Variants in BDNF observed in about 807,000 individuals in gnomAD.
BDNF encodes the protein neurotrophic factor BDNF precursor form.
BDNF carries 1 observed loss-of-function variant against 19.5 expected under a neutral mutation model. The ratio of observed to expected loss-of-function variants is 0.05; its 90% confidence interval spans 0.02 to 0.24. BDNF has a LOEUF of 0.24. Among genes scored for constraint, BDNF ranks in the 10% least tolerant of loss-of-function variants. BDNF has a pLI of 1.00. For missense variants in BDNF, 195 were observed against 317.6 expected, an observed-to-expected ratio of 0.61 and a Z score of 2.93; for synonymous variants, 100 against 121.6, an observed-to-expected ratio of 0.82 and a Z score of 1.17.
chr11:27,700,520 G>GGCGCCCCC, upstream of BDNF: 1 of 735,114 alleles, frequency 1.4e-6, no homozygotes, highest in Non-Finnish European at 1.6e-6. Flanking sequence ...AAACGGCGCC[G>GGCGCCCCC]CCCCCCCCCC....
rs1332534826 is a variant in BDNF at position 27,657,464 on chromosome 11, T to C, written c.*357A>G. 4 of 180,714 alleles carry C rather than the reference T, an allele frequency of 2.2e-5. No homozygotes were observed. The East Asian group carries it at 4.4e-3, about 201-fold the overall frequency. The allele number at this position is 180,714 out of a possible 1,614,324, so 11.2% of individuals were successfully genotyped here. ...CAAATTTTTGTTGTGTGTGTGTGTGTTTTTTTTCTGTTTTCTGAAAGAGGA... is the reference window on the plus strand; with the variant it reads ...CAAATTTTTGTTGTGTGTGTGTGTGCTTTTTTTCTGTTTTCTGAAAGAGGA... On this transcript the variant is annotated 3_prime_UTR_variant, in exon 2 of 2. Coordinates refer to ENST00000356660, the MANE Select transcript of BDNF (RefSeq NM_001709.5). The surrounding 1 kb of genome is among the most constrained non-coding windows in gnomAD (Gnocchi z 5.0).
In BDNF at chr11:27,658,807, C is replaced by G; in HGVS notation, c.-21-222G>C. ...AGACATGCAGTGTTTCCCCCAAGAT[C>G]TAGCATATAAACCTGAGATTAGATG... On this transcript the variant is annotated intron_variant, in intron 1 of 1. Coordinates refer to ENST00000356660, the MANE Select transcript of BDNF (RefSeq NM_001709.5). The surrounding 1 kb of genome is among the most constrained non-coding windows in gnomAD (Gnocchi z 5.7). 1 of 1,427,324 alleles carries G rather than the reference C, an allele frequency of 7.0e-7. No homozygotes were observed. The highest frequency in any genetic ancestry group is 9.2e-7 in the Non-Finnish European group (1 of 1,087,620). The allele number at this position is 1,427,324 out of a possible 1,614,324, so 88.4% of individuals were successfully genotyped here.
At chr11:27,687,586 G>A (rs1204720211) in intron 1 of BDNF, among the ~76,000 whole-genome samples, 2 of 152,164 alleles carry the variant, frequency 1.3e-5, no homozygotes, top group African/African-American at 4.8e-5. Flanking sequence ...CCTTTGTACG[G>A]GGTTTTCGTG....
intron 1 of BDNF, chr11:27,697,789 A>T (rs1859289991): frequency 6.6e-6 from 1 of 152,146 alleles, no homozygotes; most frequent in Non-Finnish European, 1.5e-5. Context: ...CCAGCTACTA[A>T]CTCAGCTCTG....
rs375283828 is a variant in BDNF, at chr11:27,669,854, T to C, written c.-21-11269A>G. On this transcript the variant is annotated intron_variant, in intron 1 of 1. Transcript: ENST00000356660. ...TACCCAAGGTAATTTATAGATTCAA[T>C]GCCATCCCCATCAAGCTACCAATGA... Among the ~76,000 whole-genome samples, 104 of 152,182 alleles carry C rather than the reference T, an allele frequency of 6.8e-4. 5 individuals are homozygous for C. The South Asian group carries it at 0.021, about 31-fold the overall frequency.
At chr11:27,720,854 G>T in intron 1 of BDNF, 2 of 819,348 alleles carry the variant, frequency 2.4e-6, no homozygotes, top group Non-Finnish European at 3.0e-6. Flanking sequence ...CCTGTTAATA[G>T]TTGATCACAT....
At chr11:27,694,138 G>A (rs959763078) in intron 1 of BDNF, among the ~76,000 whole-genome samples, 4 of 152,062 alleles carry the variant, frequency 2.6e-5, no homozygotes, top group African/African-American at 7.2e-5. Context: ...AAGCACAGTC[G>A]CTGGCATCTC....
chr11:27,718,468 C>T (rs1408188963), intron 1 of BDNF, among the ~76,000 whole-genome samples: 1 of 148,994 alleles, frequency 6.7e-6, no homozygotes, highest in Non-Finnish European at 1.5e-5. Context: ...GATGGTGATG[C>T]GGGCGCCTTG....
intron 1 of BDNF, among the ~76,000 whole-genome samples, chr11:27,709,927 T>C (rs1860261076): frequency 6.6e-6 from 1 of 152,248 alleles, no homozygotes; most frequent in Non-Finnish European, 1.5e-5. Context: ...GTACTTTTTC[T>C]ATCTAAATTT....
At chr11:27,667,595 A>C (rs2133861519) in intron 1 of BDNF, among the ~76,000 whole-genome samples, 1 of 151,278 alleles carries the variant, frequency 6.6e-6, no homozygotes, top group South Asian at 2.1e-4. Flanking sequence ...AATGGAAAGC[A>C]AAAAAAAGCA....
At chr11:27,699,946 C>T (rs779537021) in intron 1 of BDNF, among the ~76,000 whole-genome samples, 1 of 152,170 alleles carries the variant, frequency 6.6e-6, no homozygotes, top group Non-Finnish European at 1.5e-5. Context: ...GTGACTTCCC[C>T]GGGTCCCTTT....
chr11:27,704,810 T>G (rs1418505063), upstream of BDNF, among the ~76,000 whole-genome samples: 2 of 152,182 alleles, frequency 1.3e-5, no homozygotes, highest in Non-Finnish European at 2.9e-5. Flanking sequence ...TCCCTATTCA[T>G]GAGATGTTAC....
intron 1 of BDNF, among the ~76,000 whole-genome samples, chr11:27,693,260 A>G (rs1858540105): frequency 6.6e-6 from 1 of 152,212 alleles, no homozygotes; most frequent in Admixed American, 6.5e-5. Flanking sequence ...AGTAGCTATG[A>G]TAACAGCCTC....
chr11:27,707,847 G>C lies in BDNF; in HGVS notation c.3+13565C>G, dbSNP rs757335729. Among the ~76,000 whole-genome samples, 3 of 152,110 alleles carry C rather than the reference G, an allele frequency of 2.0e-5. No individual in the cohort carries two copies. The South Asian group carries it at 6.2e-4, about 32-fold the overall frequency. On this transcript the variant is annotated intron_variant, in intron 1 of 1. Coordinates refer to the BDNF transcript ENST00000314915. ...GGACAGTAGTCATGACCTGGGAATG[G>C]GGGGTGGTGTGTGTGGGAGGTGAGG...
At chr11:27,704,319 CA>C (rs1272988205), upstream of BDNF, among the ~76,000 whole-genome samples, 2 of 152,056 alleles carry the variant, frequency 1.3e-5, no homozygotes, top group African/African-American at 2.4e-5. Context: ...CCCAATGTTC[CA>C]GGGGGAACAA....
chr11:27,721,066 T>A (rs756324683), intron 1 of BDNF, among the ~76,000 whole-genome samples: 3 of 140,588 alleles, frequency 2.1e-5, no homozygotes, highest in Non-Finnish European at 4.6e-5. Flanking sequence ...CCCTTGCAAA[T>A]GTCAATTACA....
At chr11:27,711,045 T>C (rs1395502341) in intron 1 of BDNF, among the ~76,000 whole-genome samples, 1 of 152,170 alleles carries the variant, frequency 6.6e-6, no homozygotes, top group Non-Finnish European at 1.5e-5. Context: ...TAATAAAAGC[T>C]AAGATTGAAT....
chr11:27,679,259 A>G (rs897033972), intron 1 of BDNF, among the ~76,000 whole-genome samples: 18 of 152,200 alleles, frequency 1.2e-4, no homozygotes, highest in African/African-American at 4.3e-4. Flanking sequence ...TTCTAGCTTC[A>G]TAGCAGACCA....
At chr11:27,671,124 AGG>A (rs1855297071) in intron 1 of BDNF, among the ~76,000 whole-genome samples, 1 of 152,052 alleles carries the variant, frequency 6.6e-6, no homozygotes. Flanking sequence ...ACTTGGACAC[AGG>A]GTGGGGAACA....
Sources: allele counts gnomAD v4.1 joint callset (sites outside exome capture counted in the v4.1 genomes callset), GRCh38; gene constraint gnomAD v4.1.1; non-coding constraint Gnocchi (gnomAD v3.1); transcripts MANE v1.5; gene names NCBI Gene and HGNC (gene_info 2026-07-23, HGNC 2026-07-21).